BMP2K: variants seen among roughly 807,000 people sequenced by gnomAD.
The protein encoded by BMP2K is BMP2 inducible kinase.
Under a neutral mutation model 116.0 loss-of-function variants are expected in BMP2K, and 74 were observed. The ratio of observed to expected loss-of-function variants is 0.64; its 90% CI spans 0.53 to 0.77. BMP2K has a LOEUF of 0.77. Among genes scored for constraint, BMP2K ranks in the 30% least tolerant of loss-of-function variants. The probability of loss-of-function intolerance (pLI) is 0.00; values close to 1 mark genes in which losing one functional copy is unlikely to be tolerated. For missense variants in BMP2K, 1,365 were observed against 1,403.6 expected (o/e 0.97, Z 0.44); for synonymous variants, 486 against 502.5 (o/e 0.97, Z 0.44).
At chr4:78,862,749 A>G (rs1387581149) in intron 9 of BMP2K, among the ~76,000 whole-genome samples, 3 of 152,140 alleles carry the variant, frequency 2.0e-5, no homozygotes, top group Admixed American at 6.6e-5. Flanking sequence ...CTTATTTTAA[A>G]AAATGGTGTT....
In BMP2K at chr4:78,915,179, A is replaced by T. The variant is rs1243635586; in HGVS notation, c.*3146A>T. 1 of 151,918 alleles carries T rather than the reference A, an allele frequency of 6.6e-6. No individual in the cohort carries two copies. The highest frequency in any genetic ancestry group is 2.4e-5 in the African/African-American group (1 of 41,388). The allele number at this position is 151,918 out of a possible 1,614,324, so 9.4% of individuals were successfully genotyped here. A position where few individuals can be genotyped will look rare whatever the true frequency, so the allele number is the denominator to read the frequency against. ...TGGGTATAGTTACGACATTATCCGG[A>T]TTTGCAAATAGACACAACTTTCAGT... is the stretch of plus-strand genomic sequence containing the variant. On this transcript the variant is annotated 3_prime_UTR_variant, in exon 16 of 16. Coordinates refer to ENST00000502613, the MANE Select transcript of BMP2K (RefSeq NM_198892.2).
intron 1 of BMP2K, among the ~76,000 whole-genome samples, chr4:78,800,819 A>G (rs1192366734): frequency 6.6e-6 from 1 of 152,210 alleles, no homozygotes; most frequent in Non-Finnish European, 1.5e-5. Flanking sequence ...TTTAAATACA[A>G]TAAATGTAAT....
chr4:78,847,140 T>A (rs111539578), intron 5 of BMP2K, 48 bp from the exon 6 acceptor site: 10,986 of 958,808 alleles, frequency 0.011, 282 homozygotes, highest in African/African-American at 0.096. Flanking sequence ...TGTCTTTTTT[T>A]TATATATATA....
intron 13 of BMP2K, among the ~76,000 whole-genome samples, chr4:78,874,930 A>G (rs1418258626): frequency 6.6e-6 from 1 of 152,254 alleles, no homozygotes; most frequent in East Asian, 1.9e-4. Context: ...AGTTATCACA[A>G]AAATCATCTT....
At chr4:78,829,196 A>G (rs977362421) in intron 2 of BMP2K, among the ~76,000 whole-genome samples, 1 of 152,204 alleles carries the variant, frequency 6.6e-6, no homozygotes, top group African/African-American at 2.4e-5. Flanking sequence ...GGAGGCAATC[A>G]TGTCAAATCT....
At chr4:78,825,306 A>C (rs1688863467) in intron 1 of BMP2K, among the ~76,000 whole-genome samples, 1 of 152,238 alleles carries the variant, frequency 6.6e-6, no homozygotes. Context: ...AGGTGGTTCC[A>C]GAGTTGGCTG....
rs58007596 is a variant in BMP2K, at chr4:78,829,792, C to CTTTTCTTTTCTT, written c.297+3639_297+3640insTTCTTTTCTTTT. Among the ~76,000 whole-genome samples, 4 of 63,456 alleles carry CTTTTCTTTTCTT rather than the reference C, an allele frequency of 6.3e-5. 1 individual carries two copies. The highest frequency in any genetic ancestry group is 1.0e-3 in the East Asian group (2 of 1,968). The allele number at this position is 63,456 out of a possible 152,430, so 41.6% of individuals were successfully genotyped here. Reference sequence around the variant, plus strand: ...TTTCTTTTCTTTTCTTTTCTTTTCTCTTCTCTTCTCTTCTCTTCTCTTCTC... The same window carrying CTTTTCTTTTCTT: ...TTTCTTTTCTTTTCTTTTCTTTTCTCTTTTCTTTTCTTTTCTCTTCTCTTCTCTTCTCTTCTC... On this transcript the variant is annotated intron_variant, in intron 2 of 15. Coordinates refer to ENST00000502613, the MANE Select transcript of BMP2K (RefSeq NM_198892.2).
chr4:78,797,112 G>T (rs1449473703), intron 1 of BMP2K, among the ~76,000 whole-genome samples: 1 of 152,040 alleles, frequency 6.6e-6, no homozygotes, highest in East Asian at 1.9e-4. Flanking sequence ...GTAATTTTGG[G>T]GAGTCTTAGT....
intron 1 of BMP2K, among the ~76,000 whole-genome samples, chr4:78,806,995 G>T (rs191321915): frequency 6.6e-6 from 1 of 151,738 alleles, no homozygotes; most frequent in Non-Finnish European, 1.5e-5. Context: ...GATTACAGGC[G>T]CCTGCTACCA....
intron 9 of BMP2K, among the ~76,000 whole-genome samples, chr4:78,863,985 C>T (rs1437460839): frequency 6.6e-6 from 1 of 152,084 alleles, no homozygotes; most frequent in Non-Finnish European, 1.5e-5. Flanking sequence ...TAACATATGC[C>T]CTGTCTTCCT....
At position 78,842,394 on chromosome 4, in the gene BMP2K, T is replaced by C; in HGVS notation, c.413T>C (p.Val138Ala). The stretch of plus-strand genomic sequence containing the variant: ...TTACTTTTTTGGTTAGCTGGACAGG[T>C]AGTGAATCAAATGAATAAGAAGCTA... ...ILMEYCRAGQ[V>A]VNQMNKKLQT... The change falls in exon 4 of 16, where the codon GTA becomes GCA. Residue 138 changes from valine (V) to alanine (A), a missense_variant. By Grantham distance (64) the Val-to-Ala change is moderately conservative. Transcript: ENST00000502613. 1 of 1,595,960 alleles carries C rather than the reference T, an allele frequency of 6.3e-7. No individual in the cohort carries two copies. Among genetic ancestry groups the C allele is most frequent in the Non-Finnish European group, 8.6e-7 (1 of 1,167,014 alleles).
intron 8 of BMP2K, among the ~76,000 whole-genome samples, 178 bp from the exon 9 acceptor site, chr4:78,861,208 TGTA>T (rs900665724): frequency 3.3e-5 from 5 of 151,948 alleles, no homozygotes; most frequent in African/African-American, 1.2e-4. Context: ...TTGTGTAACA[TGTA>T]GTGATATTTG....
At chr4:78,828,424 C>G (rs928226144) in intron 2 of BMP2K, among the ~76,000 whole-genome samples, 1 of 152,178 alleles carries the variant, frequency 6.6e-6, no homozygotes, top group Admixed American at 6.5e-5. Flanking sequence ...CTCCCTGAAC[C>G]CAGTCCTCTT....
At chr4:78,833,556 G>A (rs1326628540) in intron 2 of BMP2K, 26 bp from the exon 3 acceptor site, 1 of 1,433,668 alleles carries the variant, frequency 7.0e-7, no homozygotes, top group African/African-American at 1.6e-5. Context: ...ACATTTTCCA[G>A]TTTTCATTTT....
intron 10 of BMP2K, among the ~76,000 whole-genome samples, chr4:78,868,222 G>A (rs144365597): frequency 0.035 from 5,322 of 152,154 alleles, 297 homozygotes; most frequent in African/African-American, 0.12. Flanking sequence ...GAATCATGGC[G>A]GGTGGTGAAA....
rs1296642197 is a variant in BMP2K at position 78,776,602 on chromosome 4, G to GTGGCGGGGC, written c.69_77dup (p.Gly25_Gly27dup). On this transcript the variant is annotated inframe_insertion, in exon 1 of 16. Transcript: ENST00000502613. ...GGCGGCAGCGGCGGCGGAGCGGCGG[G>GTGGCGGGGC]TGGCGGGGCTGGCGGGGCCGGGGCC... is the stretch of plus-strand genomic sequence containing the variant. 24 of 1,186,986 alleles carry GTGGCGGGGC rather than the reference G, an allele frequency of 2.0e-5. No homozygotes were observed. The South Asian group carries it at 2.5e-4, about 12-fold the overall frequency. The allele number at this position is 1,186,986 out of a possible 1,614,324, so 73.5% of individuals were successfully genotyped here.
chr4:78,882,914 G>A (rs1487269587), intron 14 of BMP2K, among the ~76,000 whole-genome samples: 1 of 151,956 alleles, frequency 6.6e-6, no homozygotes, highest in African/African-American at 2.4e-5. Flanking sequence ...AACTATTACT[G>A]TTCCTTCAGT....
At chr4:78,908,713 A>T (rs1734410274) in intron 15 of BMP2K, among the ~76,000 whole-genome samples, 1 of 152,046 alleles carries the variant, frequency 6.6e-6, no homozygotes, top group Non-Finnish European at 1.5e-5. Context: ...AATTTTTAGT[A>T]CTCCTCTTCA....
rs753558574 is a variant in BMP2K, at chr4:78,858,396, A to G, written c.884-1188A>G. Among the ~76,000 whole-genome samples the G allele has an allele frequency of 1.8e-4, 28 of 151,946 alleles. 1 individual carries two copies. The highest frequency in any genetic ancestry group is 4.6e-4 in the Admixed American group (7 of 15,210). ...TGTTTTTAGTTATTTCAGTCTAGCA[A>G]TGGTGGTAAAAATTATAAAAAACAT... On this transcript the variant is annotated intron_variant, in intron 7 of 15. Coordinates refer to ENST00000502613, the MANE Select transcript of BMP2K (RefSeq NM_198892.2).
Sources: allele counts gnomAD v4.1 joint callset (sites outside exome capture counted in the v4.1 genomes callset), GRCh38; gene constraint gnomAD v4.1.1; transcripts MANE v1.5; gene names NCBI Gene and HGNC (gene_info 2026-07-23, HGNC 2026-07-21).